Variants in IPO11 observed in about 807,000 individuals in gnomAD.
IPO11 encodes the protein importin 11, also known as importin-11.
A neutral mutation model predicts 143.2 loss-of-function variants in IPO11; 66 were observed. That is an observed-to-expected ratio of 0.46 (90% confidence interval 0.38 to 0.57). The LOEUF is 0.57. Ranked by LOEUF, IPO11 falls within the 20% of genes least tolerant of loss-of-function variation. The pLI, the probability that IPO11 is intolerant of heterozygous loss-of-function variation, is 0.00. For synonymous variants in IPO11, 385 were observed against 377.8 expected, an observed-to-expected ratio of 1.02 and a Z score of -0.22; for missense variants, 1,026 against 1,141.0, an observed-to-expected ratio of 0.90 and a Z score of 1.45.
chr5:62,582,739 A>G (rs188064337), intron 27 of IPO11, among the ~76,000 whole-genome samples: 1 of 152,280 alleles, frequency 6.6e-6, no homozygotes, highest in Non-Finnish European at 1.5e-5. Flanking sequence ...TATAGATGGT[A>G]ATTGAAGTCA....
intron 2 of IPO11, among the ~76,000 whole-genome samples, chr5:62,439,284 G>GTTTTTTTTTTTTTTTTTTT (rs1226593063): frequency 2.2e-5 from 2 of 90,924 alleles, no homozygotes; most frequent in African/African-American, 4.4e-5. Context: ...AACTGCGTAG[G>GTTTTTTTTTTTTTTTTTTT]TTTTTTTTTT....
At chr5:62,548,446 G>T (rs920020340) in intron 24 of IPO11, among the ~76,000 whole-genome samples, 1 of 152,030 alleles carries the variant, frequency 6.6e-6, no homozygotes. Flanking sequence ...ATGAGGTGCC[G>T]TAATGTAAGT....
At chr5:62,605,832 C>T (rs757626984) in intron 29 of IPO11, among the ~76,000 whole-genome samples, 3 of 151,864 alleles carry the variant, frequency 2.0e-5, no homozygotes, top group Non-Finnish European at 4.4e-5. Context: ...ACTTCCTGGG[C>T]TCAAAGAACC....
chr5:62,457,095 A>G (rs866344903), intron 5 of IPO11, among the ~76,000 whole-genome samples: 1 of 152,114 alleles, frequency 6.6e-6, no homozygotes, highest in Non-Finnish European at 1.5e-5. Flanking sequence ...TGGGGGGGAA[A>G]ATATCTGCCA....
chr5:62,616,077 T>C (rs1017843809), intron 29 of IPO11, among the ~76,000 whole-genome samples: 19 of 143,936 alleles, frequency 1.3e-4, no homozygotes, highest in Non-Finnish European at 6.2e-5. Context: ...GGAAGGGGGG[T>C]GGCAGTGGTG....
At position 62,627,199 on chromosome 5, in the gene IPO11, A is replaced by G. The variant is rs11544795; in HGVS notation, c.2809A>G (p.Ile937Val). ...TCATACAGTGTCACTGCAGCAGTTC[A>G]TCTACGAGAAGCTCAAGGCACAGCA... ...PVHTVSLQQF[I>V]YEKLKAQQEM... Residue 937 changes from isoleucine (I) to valine (V), a missense_variant, in exon 30 of 30, where the codon ATC becomes GTC. Physicochemically the swap from Ile to Val is conservative, Grantham distance 29. This residue lies in a region of IPO11 where 351 missense variants were observed against 358.9 expected (regional missense o/e 0.98). Transcript: ENST00000325324. 628 of 1,614,170 alleles carry G rather than the reference A, an allele frequency of 3.9e-4. 3 individuals are homozygous for G. The African/African-American group carries it at 7.4e-3, about 19-fold the overall frequency.
intron 28 of IPO11, among the ~76,000 whole-genome samples, chr5:62,592,307 G>A (rs1382275368): frequency 6.6e-6 from 1 of 151,440 alleles, no homozygotes; most frequent in Non-Finnish European, 1.5e-5. Context: ...CAGTTTTGCT[G>A]TTTATAAAGC....
chr5:62,613,556 G>A (rs1366671021), intron 29 of IPO11, among the ~76,000 whole-genome samples: 1 of 151,910 alleles, frequency 6.6e-6, no homozygotes, highest in East Asian at 1.9e-4. Context: ...GCCCGCCTCA[G>A]CCTCCCAAAG....
Position 62,627,813 on chromosome 5 carries a change from G to T in IPO11, c.*495G>T, listed in dbSNP as rs1746639083. On this transcript the variant is annotated 3_prime_UTR_variant, in exon 30 of 30. Coordinates refer to ENST00000325324, the MANE Select transcript of IPO11 (RefSeq NM_016338.5). ...TACTAAGCAAAAATATATAAATAGTGACAAATACACATTACCAAGCTTATC... is the reference window on the plus strand; with the variant it reads ...TACTAAGCAAAAATATATAAATAGTTACAAATACACATTACCAAGCTTATC... The T allele has an allele frequency of 6.6e-6, 1 of 152,588 alleles. No homozygotes were observed. The highest frequency in any genetic ancestry group is 2.4e-5 in the African/African-American group (1 of 41,418). The allele number at this position is 152,588 out of a possible 1,614,324, so 9.5% of individuals were successfully genotyped here.
Position 62,483,258 on chromosome 5 carries a change from A to T in IPO11, c.986A>T (p.Lys329Ile), listed in dbSNP as rs1746273888. Residue 329 changes from lysine (K) to isoleucine (I), a missense_variant, in exon 10 of 30, where the codon AAA (lysine) becomes ATA (isoleucine). This residue lies in a region of IPO11 where 429 missense variants were observed against 456.3 expected (regional missense o/e 0.94). Coordinates refer to ENST00000325324, the MANE Select transcript of IPO11 (RefSeq NM_016338.5). ...ATGAATCTTATTAAGATGATTGTCA[A>T]AAATTATGCTTATAAGCCATCCAAA... ...QCMNLIKMIV[K>I]NYAYKPSKNF... The T allele has an allele frequency of 6.2e-7, 1 of 1,603,328 alleles. No homozygotes were observed. Among genetic ancestry groups the T allele is most frequent in the African/African-American group, 1.3e-5 (1 of 74,604 alleles).
At chr5:62,592,818 C>T (rs73108089) in intron 28 of IPO11, among the ~76,000 whole-genome samples, 2,555 of 152,170 alleles carry the variant, frequency 0.017, 66 homozygotes, top group African/African-American at 0.059. Context: ...AGCACGAGAA[C>T]AGCATGAGGG....
chr5:62,613,895 T>C (rs1746022973), intron 29 of IPO11, among the ~76,000 whole-genome samples: 1 of 152,174 alleles, frequency 6.6e-6, no homozygotes, highest in South Asian at 2.1e-4. Context: ...ACCCTTAAGA[T>C]GATTCCAGCC....
intron 6 of IPO11, among the ~76,000 whole-genome samples, chr5:62,467,994 T>TTGAA (rs1051434417): frequency 8.5e-5 from 13 of 152,104 alleles, no homozygotes; most frequent in Non-Finnish European, 8.8e-5. Flanking sequence ...GTCTCCCAGG[T>TTGAA]TGAAGTGCAG....
chr5:62,626,769 G>T (rs1746596688), intron 29 of IPO11, among the ~76,000 whole-genome samples: 1 of 151,892 alleles, frequency 6.6e-6, no homozygotes, highest in African/African-American at 2.4e-5. Context: ...GGCATCACTG[G>T]GTTGCCACAG....
rs888448838 is a variant in IPO11, at chr5:62,487,250, T to G, written c.1219-521T>G. Among the ~76,000 whole-genome samples, 3 of 152,160 alleles carry G rather than the reference T, an allele frequency of 2.0e-5. No individual in the cohort carries two copies. In the East Asian group the frequency reaches 5.8e-4, roughly 29 times the overall value. ...GGCAAATTGGAGTTCCTGTTTTTGC[T>G]TATTATATCATTGCTAAGAAAATAC... is the stretch of plus-strand genomic sequence containing the variant. On this transcript the variant is annotated intron_variant, in intron 12 of 29. Coordinates refer to ENST00000325324, the MANE Select transcript of IPO11 (RefSeq NM_016338.5).
At chr5:62,600,059 G>C (rs1442844663) in intron 28 of IPO11, among the ~76,000 whole-genome samples, 2 of 152,142 alleles carry the variant, frequency 1.3e-5, no homozygotes, top group African/African-American at 4.8e-5. Flanking sequence ...GGGTGGGGGA[G>C]ACAGAATCTT....
At chr5:62,569,751 A>C (rs925546113) in intron 27 of IPO11, among the ~76,000 whole-genome samples, 2 of 152,198 alleles carry the variant, frequency 1.3e-5, no homozygotes, top group African/African-American at 4.8e-5. Context: ...ATTACTTTGA[A>C]GTTTCAGGAC....
At chr5:62,582,924 AAGG>A (rs1325331093) in intron 27 of IPO11, among the ~76,000 whole-genome samples, 6 of 152,196 alleles carry the variant, frequency 3.9e-5, no homozygotes, top group Non-Finnish European at 7.4e-5. Flanking sequence ...GAAAATCAGA[AAGG>A]AGCTGAAAAG....
At chr5:62,623,759 C>T (rs1014818467) in intron 29 of IPO11, among the ~76,000 whole-genome samples, 1 of 150,820 alleles carries the variant, frequency 6.6e-6, no homozygotes, top group African/African-American at 2.4e-5. Flanking sequence ...AGTTTACAGG[C>T]ACATGCCACC....
Sources: gnomAD v4.1 joint callset for allele counts (sites outside exome capture counted in the v4.1 genomes callset) on GRCh38, gnomAD v4.1.1 for gene constraint, gnomAD v4.1.1 regional missense constraint, MANE v1.5 for transcripts, NCBI Gene and HGNC (gene_info 2026-07-23, HGNC 2026-07-21) for gene names.